The following ARMH4 variants were observed in gnomAD, a reference collection of about 807,000 sequenced individuals.
ARMH4 encodes armadillo like helical domain containing 4, also known as armadillo-like helical domain-containing protein 4.
ARMH4 carries 49 observed loss-of-function variants against 61.9 expected under a neutral mutation model. That is an observed-to-expected ratio of 0.79 (90% CI 0.63 to 1.00). ARMH4 has a LOEUF of 1.00. ARMH4 is among the 50% of genes least tolerant of loss of function. The pLI, the probability that ARMH4 is intolerant of heterozygous loss-of-function variation, is 0.00. For synonymous variants in ARMH4, 368 were observed against 341.5 expected (o/e 1.08, Z -0.85); for missense variants, 934 against 930.0 (o/e 1.00, Z -0.06).
intron 2 of ARMH4, 86 bp from the exon 3 acceptor site, chr14:58,133,427 G>A: frequency 3.0e-6 from 4 of 1,322,808 alleles, no homozygotes; most frequent in South Asian, 1.5e-5. Context: ...AAACTTGGGG[G>A]GAGGGGAGCA....
chr14:58,020,695 AGTCCTGT>A (rs1185653594), intron 5 of ARMH4, among the ~76,000 whole-genome samples: 1 of 152,198 alleles, frequency 6.6e-6, no homozygotes, highest in African/African-American at 2.4e-5. Context: ...TTTCCAACTC[AGTCCTGT>A]GTGCCAGGGT....
chr14:58,055,743 T>C (rs915250779), intron 5 of ARMH4, among the ~76,000 whole-genome samples: 8 of 152,284 alleles, frequency 5.3e-5, no homozygotes, highest in African/African-American at 1.9e-4. Flanking sequence ...TCAACAGAAT[T>C]TGGAGAAGCA....
chr14:58,032,015 G>A (rs1340906997), intron 5 of ARMH4, among the ~76,000 whole-genome samples: 1 of 152,098 alleles, frequency 6.6e-6, no homozygotes, highest in Non-Finnish European at 1.5e-5. Flanking sequence ...TTCTTACAGT[G>A]AGCTGAGTGC....
intron 3 of ARMH4, 118 bp downstream of exon 3, chr14:58,132,972 T>TAC (rs1887168508): frequency 3.0e-6 from 3 of 995,658 alleles, no homozygotes; most frequent in Non-Finnish European, 4.6e-6. Context: ...TGTGTGTGTG[T>TAC]ACGTGCACGC....
intron 5 of ARMH4, among the ~76,000 whole-genome samples, chr14:58,068,530 G>A (rs1884777559): frequency 6.6e-6 from 1 of 152,110 alleles, no homozygotes. Flanking sequence ...TAAGCCTAAT[G>A]ATCTGTCATT....
At chr14:58,139,840 T>C (rs1887471925) in intron 1 of ARMH4, among the ~76,000 whole-genome samples, 1 of 152,190 alleles carries the variant, frequency 6.6e-6, no homozygotes, top group South Asian at 2.1e-4. Context: ...GTTGCCACAG[T>C]CTGAATGTTT....
intron 5 of ARMH4, among the ~76,000 whole-genome samples, chr14:58,055,464 T>C (rs530814688): frequency 6.6e-6 from 1 of 152,356 alleles, no homozygotes; most frequent in Non-Finnish European, 1.5e-5. Context: ...GTCAGGATCT[T>C]ACAGTCTTAA....
chr14:58,067,704 T>C (rs934675451), intron 5 of ARMH4, among the ~76,000 whole-genome samples: 3 of 152,228 alleles, frequency 2.0e-5, no homozygotes, highest in African/African-American at 7.2e-5. Context: ...GCTTTGAGTA[T>C]ATCCAGCTTC....
chr14:58,089,476 A>C (rs1473777160), intron 5 of ARMH4, among the ~76,000 whole-genome samples: 2 of 152,188 alleles, frequency 1.3e-5, no homozygotes, highest in African/African-American at 4.8e-5. Flanking sequence ...CAGAAGGCCT[A>C]CTTCCCACAC....
intron 5 of ARMH4, among the ~76,000 whole-genome samples, chr14:58,066,504 A>G (rs1884707072): frequency 6.6e-6 from 1 of 152,202 alleles, no homozygotes; most frequent in Non-Finnish European, 1.5e-5. Context: ...ATTGCAAAAC[A>G]CTGTGAGTTT....
At chr14:58,108,306 C>T (rs902990159) in intron 4 of ARMH4, among the ~76,000 whole-genome samples, 1 of 152,126 alleles carries the variant, frequency 6.6e-6, no homozygotes. Context: ...ACATTTTTAT[C>T]ATGTAATAGG....
chr14:58,115,548 T>A (rs1886489698), intron 4 of ARMH4, among the ~76,000 whole-genome samples: 2 of 152,110 alleles, frequency 1.3e-5, no homozygotes, highest in Non-Finnish European at 2.9e-5. Flanking sequence ...GAACTACCAT[T>A]TGATTCAGCA....
chr14:58,006,096 T>C (rs1007379903), intron 6 of ARMH4, among the ~76,000 whole-genome samples: 2 of 152,110 alleles, frequency 1.3e-5, no homozygotes, highest in African/African-American at 4.8e-5. Flanking sequence ...CTTGAGTAAG[T>C]ACCTCAGGAC....
intron 4 of ARMH4, among the ~76,000 whole-genome samples, chr14:58,112,311 C>G (rs968833903): frequency 1.4e-5 from 1 of 70,582 alleles, no homozygotes; most frequent in Non-Finnish European, 3.0e-5. Context: ...GGCTTTTTTT[C>G]TTATTCTATT....
chr14:58,132,743 G>A (rs1022101509), intron 3 of ARMH4, among the ~76,000 whole-genome samples: 3 of 151,754 alleles, frequency 2.0e-5, no homozygotes, highest in South Asian at 2.1e-4. Flanking sequence ...CCGCCACCAC[G>A]CCTGGGTAAT....
Position 58,144,804 on chromosome 14 carries a change from C to T in ARMH4, c.-56-5390G>A, listed in dbSNP as rs796940583. On this transcript the variant is annotated intron_variant, in intron 1 of 7. Coordinates refer to ENST00000267485, the MANE Select transcript of ARMH4 (RefSeq NM_001001872.4). ...AATGGCGTGAACCCAGGAGGCCGAGCTTGCCGTGAGCCAAGATCGCACCAC... is the reference window on the plus strand; with the variant it reads ...AATGGCGTGAACCCAGGAGGCCGAGTTTGCCGTGAGCCAAGATCGCACCAC... Among the ~76,000 whole-genome samples the T allele has an allele frequency of 7.2e-5, 11 of 152,014 alleles. 1 individual carries two copies. Among genetic ancestry groups the T allele is most frequent in the African/African-American group, 2.7e-4 (11 of 41,470 alleles).
At chr14:58,112,026 T>C (rs141156484) in intron 4 of ARMH4, among the ~76,000 whole-genome samples, 1,895 of 152,254 alleles carry the variant, frequency 0.012, 27 homozygotes, top group South Asian at 0.029. Context: ...ACCAGTCCTA[T>C]TGGATTTGGC....
At position 58,003,288 on chromosome 14, in the gene ARMH4, AC is replaced by A. The variant is rs1042583589; in HGVS notation, c.*1447del. 6.6e-6 allele frequency: 1 copy of A among 152,228 alleles called. No homozygotes were observed. The highest frequency in any genetic ancestry group is 2.4e-5 in the African/African-American group (1 of 41,446). The allele number at this position is 152,228 out of a possible 1,614,324, so 9.4% of individuals were successfully genotyped here. A position where few individuals can be genotyped will look rare whatever the true frequency, so the allele number is the denominator to read the frequency against. On this transcript the variant is annotated 3_prime_UTR_variant, in exon 8 of 8. Coordinates refer to ENST00000267485, the MANE Select transcript of ARMH4 (RefSeq NM_001001872.4). The stretch of plus-strand genomic sequence containing the variant: ...CATGGCTGGGTCCAAGTGGGTTCTC[AC>A]GCTGATTCTCTCTGGGTACAACTTT...
chr14:58,151,571 T>C (rs1307817431), intron 1 of ARMH4, among the ~76,000 whole-genome samples: 5 of 152,182 alleles, frequency 3.3e-5, no homozygotes, highest in African/African-American at 4.8e-5. Flanking sequence ...GCAGGACATA[T>C]TTCGGTGGTG....
Sources: allele counts gnomAD v4.1 joint callset (sites outside exome capture counted in the v4.1 genomes callset), GRCh38; gene constraint gnomAD v4.1.1; transcripts MANE v1.5; gene names NCBI Gene and HGNC (gene_info 2026-07-23, HGNC 2026-07-21).